Variants in CHN2 observed in about 807,000 individuals in gnomAD.
The protein encoded by CHN2 is beta-chimaerin.
A neutral mutation model predicts 56.3 loss-of-function variants in CHN2; 35 were observed. That is an observed-to-expected ratio of 0.62 (90% confidence interval 0.47 to 0.82). The LOEUF is 0.82. Among genes scored for constraint, CHN2 ranks in the 40% least tolerant of loss-of-function variants. CHN2 has a pLI of 0.00. For missense variants in CHN2, 491 were observed against 580.5 expected, an observed-to-expected ratio of 0.85 and a Z score of 1.58; for synonymous variants, 210 against 212.8, an observed-to-expected ratio of 0.99 and a Z score of 0.12.
rs2128883039 is a variant in CHN2, at chr7:29,307,636, G to A, written c.50-46989G>A. ...GGCAAAGTAGAGTGTGAGAGTCAGA[G>A]AGTCATTGAAGGATGCTCTGCTGCT... On this transcript the variant is annotated intron_variant, in intron 1 of 12. Transcript: ENST00000222792. Among the ~76,000 whole-genome samples the A allele has an allele frequency of 3.9e-5, 6 of 152,324 alleles. 1 individual carries two copies. The South Asian group carries it at 1.2e-3, about 32-fold the overall frequency.
intron 1 of CHN2, among the ~76,000 whole-genome samples, chr7:29,318,658 G>C (rs1795129349): frequency 6.6e-6 from 1 of 151,992 alleles, no homozygotes; most frequent in African/African-American, 2.4e-5. Flanking sequence ...GCAGTTATTT[G>C]ATTTTTTTTT....
chr7:29,285,977 A>G (rs2128864869), intron 1 of CHN2, among the ~76,000 whole-genome samples: 1 of 152,184 alleles, frequency 6.6e-6, no homozygotes, highest in South Asian at 2.1e-4. Context: ...CAGTGATCCA[A>G]CTCATAAAGG....
chr7:29,436,650 A>C (rs928300220), intron 6 of CHN2, among the ~76,000 whole-genome samples: 1 of 152,112 alleles, frequency 6.6e-6, no homozygotes, highest in African/African-American at 2.4e-5. Flanking sequence ...CCCCCCAAAA[A>C]AGTATTTGAA....
intron 6 of CHN2, among the ~76,000 whole-genome samples, chr7:29,414,919 G>C (rs1803577718): frequency 6.6e-6 from 1 of 151,444 alleles, no homozygotes; most frequent in Admixed American, 6.6e-5. Context: ...CTTCCCTGCA[G>C]TCTTCCCTGA....
intron 6 of CHN2, among the ~76,000 whole-genome samples, chr7:29,411,758 G>C (rs895089511): frequency 2.0e-5 from 3 of 152,182 alleles, no homozygotes; most frequent in Admixed American, 1.3e-4. Context: ...GGAGCCTGGA[G>C]AAAGTAGAGC....
At chr7:29,354,742 T>C in intron 2 of CHN2, 79 bp downstream of exon 2, 1 of 1,296,630 alleles carries the variant, frequency 7.7e-7, no homozygotes, top group Non-Finnish European at 1.1e-6. Context: ...AGCGATGTAG[T>C]GCACACAAGC....
At chr7:29,165,928 TG>T (rs1305230552) in intron 2 of CHN2, among the ~76,000 whole-genome samples, 1 of 152,224 alleles carries the variant, frequency 6.6e-6, no homozygotes, top group African/African-American at 2.4e-5. Context: ...TTTGTCACTA[TG>T]TTCACAGGGG....
At chr7:29,217,936 G>A (rs1284944759) in intron 1 of CHN2, among the ~76,000 whole-genome samples, 2 of 152,000 alleles carry the variant, frequency 1.3e-5, no homozygotes, top group Non-Finnish European at 2.9e-5. Context: ...TTCCCTAGAT[G>A]GCTTATCATC....
At chr7:29,232,379 C>G (rs1786785242) in intron 1 of CHN2, among the ~76,000 whole-genome samples, 1 of 152,180 alleles carries the variant, frequency 6.6e-6, no homozygotes, top group Non-Finnish European at 1.5e-5. Context: ...TTCATCTTGT[C>G]AGATTTCTTC....
chr7:29,259,492 AAGAAT>A, intron 1 of CHN2, among the ~76,000 whole-genome samples: 1 of 152,238 alleles, frequency 6.6e-6, no homozygotes, highest in East Asian at 1.9e-4. Context: ...AGGGTGTGGT[AAGAAT>A]GTGTGTGTGT....
At chr7:29,389,513 T>A (rs1235364762) in intron 3 of CHN2, among the ~76,000 whole-genome samples, 1 of 152,194 alleles carries the variant, frequency 6.6e-6, no homozygotes, top group Non-Finnish European at 1.5e-5. Context: ...GGATGCTGTC[T>A]GCAGTCTTCA....
chr7:29,273,322 CATGCATA>C (rs1415198111), intron 1 of CHN2, among the ~76,000 whole-genome samples: 1 of 101,016 alleles, frequency 9.9e-6, no homozygotes, highest in Non-Finnish European at 2.0e-5. Context: ...AATATTCCAT[CATGCATA>C]TATATATATA....
At position 29,512,772 on chromosome 7, in the gene CHN2, T is replaced by C. The variant is rs1478478296; in HGVS notation, c.*37T>C. 2 of 1,585,782 alleles carry C rather than the reference T, an allele frequency of 1.3e-6. No homozygotes were observed. Among genetic ancestry groups the C allele is most frequent in the East Asian group, 4.5e-5 (2 of 44,666 alleles). On this transcript the variant is annotated 3_prime_UTR_variant, in exon 13 of 13. Coordinates refer to ENST00000222792, the MANE Select transcript of CHN2 (RefSeq NM_004067.4). ...AATGAGCTGAATGGCCCCAGCACCA[T>C]CCAAGTTGACACAGCTAAAGGAATA... is the stretch of plus-strand genomic sequence containing the variant.
intron 6 of CHN2, among the ~76,000 whole-genome samples, chr7:29,412,245 T>A (rs1029195589): frequency 2.0e-5 from 3 of 149,782 alleles, no homozygotes; most frequent in African/African-American, 7.4e-5. Context: ...ACCTCCTGGC[T>A]CCACAACATA....
intron 6 of CHN2, among the ~76,000 whole-genome samples, chr7:29,416,599 G>A (rs973688377): frequency 3.3e-5 from 5 of 152,154 alleles, no homozygotes; most frequent in African/African-American, 1.2e-4. Context: ...GGTGTGACCA[G>A]CGGCCCAGCT....
intron 6 of CHN2, among the ~76,000 whole-genome samples, chr7:29,474,769 T>C (rs960423941): frequency 1.1e-4 from 16 of 152,216 alleles, no homozygotes; most frequent in African/African-American, 3.4e-4. Flanking sequence ...CTCCTTAAAA[T>C]GTAGCACTGG....
chr7:29,281,901 G>A (rs1037866592), intron 1 of CHN2, among the ~76,000 whole-genome samples: 3 of 152,212 alleles, frequency 2.0e-5, no homozygotes, highest in African/African-American at 7.2e-5. Flanking sequence ...TGAGTATGCG[G>A]TGCGTCAGAG....
intron 9 of CHN2, among the ~76,000 whole-genome samples, chr7:29,501,026 C>T (rs1305857081): frequency 6.6e-6 from 1 of 152,140 alleles, no homozygotes; most frequent in Non-Finnish European, 1.5e-5. Flanking sequence ...CCACTTTTGC[C>T]ATGTATCATA....
chr7:29,231,994 C>G (rs1786751357), intron 1 of CHN2, among the ~76,000 whole-genome samples: 1 of 152,164 alleles, frequency 6.6e-6, no homozygotes, highest in Admixed American at 6.5e-5. Flanking sequence ...CTTACACAAA[C>G]AGCAACAACT....
Sources: allele counts gnomAD v4.1 joint callset (sites outside exome capture counted in the v4.1 genomes callset), GRCh38; gene constraint gnomAD v4.1.1; transcripts MANE v1.5; gene names NCBI Gene and HGNC (gene_info 2026-07-23, HGNC 2026-07-21).